The following NUP210 variants were observed in gnomAD, a reference collection of about 807,000 sequenced individuals.
The protein encoded by NUP210 is nuclear pore membrane glycoprotein 210.
NUP210 carries 151 observed loss-of-function variants against 196.0 expected under a neutral mutation model. The ratio of observed to expected loss-of-function variants is 0.77; its 90% confidence interval spans 0.67 to 0.88. The LOEUF is 0.88. Among genes scored for constraint, NUP210 ranks in the 40% least tolerant of loss-of-function variants. The probability of loss-of-function intolerance (pLI) is 0.00; values close to 1 mark genes in which losing one functional copy is unlikely to be tolerated. For synonymous variants in NUP210, 1,070 were observed against 1,052.7 expected, an observed-to-expected ratio of 1.02 and a Z score of -0.32; for missense variants, 2,314 against 2,493.7, an observed-to-expected ratio of 0.93 and a Z score of 1.53.
intron 3 of NUP210, among the ~76,000 whole-genome samples, chr3:13,391,940 T>C (rs907489310): frequency 3.3e-5 from 5 of 152,014 alleles, no homozygotes; most frequent in African/African-American, 4.8e-5. Context: ...AGATGCCACA[T>C]GCAAGTCTAG....
At chr3:13,335,679 C>T in intron 27 of NUP210, 67 bp from the exon 28 acceptor site, 2 of 1,557,624 alleles carry the variant, frequency 1.3e-6, no homozygotes, top group South Asian at 1.2e-5. Flanking sequence ...AAAGGCAGAG[C>T]CGGACAGTAG....
rs560520973 is a variant in NUP210 at position 13,373,610 on chromosome 3, G to A, written c.1587+108C>T. 1.2e-4 allele frequency: 142 copies of A among 1,146,654 alleles called. No individual in the cohort carries two copies. In the African/African-American group the frequency reaches 2.0e-3, roughly 16 times the overall value. The allele number at this position is 1,146,654 out of a possible 1,614,324, so 71.0% of individuals were successfully genotyped here. A position where few individuals can be genotyped will look rare whatever the true frequency, so the allele number is the denominator to read the frequency against. On this transcript the variant is annotated intron_variant, in intron 12 of 39. Coordinates refer to ENST00000254508, the MANE Select transcript of NUP210 (RefSeq NM_024923.4). ...CTGGGGCTTGAGCTCCTAAGTACAGGACCCAAGGTTGGGGGTGTTTCTGAG... is the reference window on the plus strand; with the variant it reads ...CTGGGGCTTGAGCTCCTAAGTACAGAACCCAAGGTTGGGGGTGTTTCTGAG...
At chr3:13,405,875 G>A (rs1699987237) in intron 1 of NUP210, among the ~76,000 whole-genome samples, 1 of 152,110 alleles carries the variant, frequency 6.6e-6, no homozygotes, top group South Asian at 2.1e-4. Context: ...TTTTCCTCAG[G>A]ATATGACACA....
chr3:13,373,718 C>G lies in NUP210; in HGVS notation c.1587G>C (p.Lys529Asn), dbSNP rs1698805818. The G allele has an allele frequency of 1.8e-5, 29 of 1,613,940 alleles. No individual in the cohort carries two copies. Among genetic ancestry groups the G allele is most frequent in the Non-Finnish European group, 2.4e-5 (28 of 1,179,934 alleles). Reference protein sequence around the residue: ...VQNPLHFGEMKVYVIEPHSME... With the variant: ...VQNPLHFGEMNVYVIEPHSME... The stretch of plus-strand genomic sequence containing the variant: ...GGGTGTCTTGGCCCTGAGATCTCAC[C>G]TTCATCTCACCGAAATGGAGTGGGT... Residue 529 changes from lysine (K) to asparagine (N), a missense_variant and splice_region_variant, in exon 12 of 40, where the codon AAG becomes AAC. Lys to Asn is a moderately conservative substitution (Grantham distance 94, BLOSUM62 0). Transcript: ENST00000254508.
At chr3:13,344,230 C>T (rs1013598412) in intron 20 of NUP210, among the ~76,000 whole-genome samples, 2 of 152,232 alleles carry the variant, frequency 1.3e-5, no homozygotes, top group Non-Finnish European at 2.9e-5. Flanking sequence ...TAAGAAAGTG[C>T]ATCACAATCA....
At chr3:13,414,226 G>T (rs1700270302) in intron 1 of NUP210, among the ~76,000 whole-genome samples, 1 of 152,390 alleles carries the variant, frequency 6.6e-6, no homozygotes, top group Admixed American at 6.5e-5. Flanking sequence ...CACCCGCGGG[G>T]TCCAGCCCCT....
At chr3:13,404,021 C>T (rs1699924088) in intron 1 of NUP210, among the ~76,000 whole-genome samples, 1 of 152,220 alleles carries the variant, frequency 6.6e-6, no homozygotes, top group Non-Finnish European at 1.5e-5. Flanking sequence ...CAGGGGCAGC[C>T]CATCCCAACA....
At position 13,420,237 on chromosome 3, in the gene NUP210, C is replaced by T. The variant is rs772403312; in HGVS notation, c.-11G>A. On this transcript the variant is annotated 5_prime_UTR_variant, in exon 1 of 40. Coordinates refer to ENST00000254508, the MANE Select transcript of NUP210 (RefSeq NM_024923.4). The surrounding 1 kb of genome is among the most constrained non-coding windows in gnomAD (Gnocchi z 4.8). ...GCCCCGCGCCGCCATCCTCGCCGCGCGTCACCTCCCGCGACCCTGCGCCCG... is the reference window on the plus strand; with the variant it reads ...GCCCCGCGCCGCCATCCTCGCCGCGTGTCACCTCCCGCGACCCTGCGCCCG... The T allele has an allele frequency of 1.4e-5, 15 of 1,097,744 alleles. No individual in the cohort carries two copies. Among genetic ancestry groups the T allele is most frequent in the Non-Finnish European group, 1.7e-5 (15 of 901,582 alleles). The allele number at this position is 1,097,744 out of a possible 1,614,324, so 68.0% of individuals were successfully genotyped here. A position where few individuals can be genotyped will look rare whatever the true frequency, so the allele number is the denominator to read the frequency against.
In NUP210 at chr3:13,394,567, G is replaced by C. The variant is rs146425445; in HGVS notation, c.436+2790C>G. On this transcript the variant is annotated intron_variant, in intron 3 of 39. Coordinates refer to ENST00000254508, the MANE Select transcript of NUP210 (RefSeq NM_024923.4). ...ACAGAGTCAGACATCCTGGATCCCA[G>C]GCCCTGCTCAGCCACCCATGAGCTG... 1.1e-4 allele frequency among the ~76,000 whole-genome samples: 16 copies of C among 152,346 alleles called. No homozygotes were observed. In the East Asian group the frequency reaches 2.3e-3, roughly 22 times the overall value.
At chr3:13,343,342 G>GGGGGGC in intron 20 of NUP210, 39 bp from the exon 21 acceptor site, 3 of 655,990 alleles carry the variant, frequency 4.6e-6, no homozygotes, top group Non-Finnish European at 5.0e-6. Context: ...TGGGTGGTGG[G>GGGGGGC]TTACGCAGCT....
At chr3:13,366,291 G>A (rs1015832960) in intron 13 of NUP210, among the ~76,000 whole-genome samples, 200 bp from the exon 14 acceptor site, 1 of 152,034 alleles carries the variant, frequency 6.6e-6, no homozygotes, top group Non-Finnish European at 1.5e-5. Flanking sequence ...ACTACACCCG[G>A]CTAATTTTTG....
intron 1 of NUP210, among the ~76,000 whole-genome samples, chr3:13,402,633 A>C (rs1328094436): frequency 6.6e-6 from 1 of 152,216 alleles, no homozygotes; most frequent in East Asian, 1.9e-4. Flanking sequence ...GCAGGGCTAC[A>C]TTAAGGACTC....
At chr3:13,351,055 C>T (rs2124877137) in intron 20 of NUP210, among the ~76,000 whole-genome samples, 1 of 152,268 alleles carries the variant, frequency 6.6e-6, no homozygotes, top group East Asian at 1.9e-4. Flanking sequence ...TAGAAGCGCA[C>T]AAGAGTAGAT....
intron 3 of NUP210, among the ~76,000 whole-genome samples, chr3:13,396,760 CAAAAA>C (rs71066951): frequency 4.8e-5 from 3 of 62,098 alleles, no homozygotes; most frequent in African/African-American, 2.2e-4. Context: ...GACTCTGTCT[CAAAAA>C]AAAAAAAAAA....
At position 13,354,101 on chromosome 3, in the gene NUP210, C is replaced by A; in HGVS notation, c.2335G>T (p.Val779Leu). 4 of 1,588,656 alleles carry A rather than the reference C, an allele frequency of 2.5e-6. No individual in the cohort carries two copies. The highest frequency in any genetic ancestry group is 3.4e-6 in the Non-Finnish European group (4 of 1,167,768). Reference sequence around the variant, plus strand: ...AGCCGGGGGTTGCGGTGGCTGGACACTGGGACCTGCAGGGAACACAGGTCA... The same window carrying A: ...AGCCGGGGGTTGCGGTGGCTGGACAATGGGACCTGCAGGGAACACAGGTCA... ...LLQQNKQVVP[V>L]SSHRNPRLDL... The change falls in exon 17 of 40, where the codon GTG becomes TTG. Residue 779 changes from valine (V) to leucine (L), a missense_variant. Val to Leu is a conservative substitution (Grantham distance 32). Transcript: ENST00000254508.
At chr3:13,376,208 C>G in intron 10 of NUP210, 83 bp downstream of exon 10, 1 of 1,470,670 alleles carries the variant, frequency 6.8e-7, no homozygotes, top group Non-Finnish European at 9.4e-7. Context: ...CCCTGGGACT[C>G]ATGGCCCTCC....
chr3:13,323,294 C>G lies in NUP210; in HGVS notation c.4768+15G>C. On this transcript the variant is annotated intron_variant, in intron 34 of 39. Coordinates refer to ENST00000254508, the MANE Select transcript of NUP210 (RefSeq NM_024923.4). This position sits in a 1 kb window ranked among gnomAD's most constrained non-coding sequence, Gnocchi z 4.3. Reference sequence around the variant, plus strand: ...CCAGGTACTCTGAAGACAGCCCAAGCCCCTCATTAAGTACCTCTCAGGTTA... The same window carrying G: ...CCAGGTACTCTGAAGACAGCCCAAGGCCCTCATTAAGTACCTCTCAGGTTA... The G allele has an allele frequency of 6.2e-7, 1 of 1,614,022 alleles. No individual in the cohort carries two copies. Among genetic ancestry groups the G allele is most frequent in the Non-Finnish European group, 8.5e-7 (1 of 1,179,932 alleles).
chr3:13,328,742 A>C (rs749778533), intron 31 of NUP210, 29 bp downstream of exon 31: 4 of 1,606,342 alleles, frequency 2.5e-6, no homozygotes, highest in Non-Finnish European at 3.4e-6. Flanking sequence ...AGGACTTCAT[A>C]GGAGAAATGA....
intron 15 of NUP210, among the ~76,000 whole-genome samples, chr3:13,359,711 C>T (rs1442911534): frequency 2.6e-5 from 4 of 152,208 alleles, no homozygotes; most frequent in African/African-American, 9.7e-5. Flanking sequence ...GAAGGAGTGT[C>T]AGGCCCCAAG....
Sources: gnomAD v4.1 joint callset for allele counts (sites outside exome capture counted in the v4.1 genomes callset) on GRCh38, gnomAD v4.1.1 for gene constraint, Gnocchi (gnomAD v3.1) non-coding constraint, MANE v1.5 for transcripts, NCBI Gene and HGNC (gene_info 2026-07-23, HGNC 2026-07-21) for gene names.